Variants in TARM1 observed in about 807,000 individuals in gnomAD.
TARM1 encodes T-cell-interacting, activating receptor on myeloid cells protein 1.
In TARM1, 24 loss-of-function variants were observed where a neutral mutation model predicts 30.4. That is an observed-to-expected ratio of 0.79 (90% CI 0.57 to 1.11). TARM1 has a LOEUF of 1.11. TARM1 is among the 50% of genes least tolerant of loss of function. TARM1 has a pLI of 0.00. For missense variants in TARM1, 323 were observed against 332.8 expected, an observed-to-expected ratio of 0.97 and a Z score of 0.23; for synonymous variants, 129 against 138.9, an observed-to-expected ratio of 0.93 and a Z score of 0.50.
intron 1 of TARM1, among the ~76,000 whole-genome samples, chr19:54,079,857 C>T (rs993710786): frequency 1.3e-5 from 2 of 151,478 alleles, no homozygotes; most frequent in Non-Finnish European, 2.9e-5. Flanking sequence ...TACAAAAAAT[C>T]AGCCGGGTGT....
intron 1 of TARM1, among the ~76,000 whole-genome samples, chr19:54,081,011 T>C (rs2072117336): frequency 6.6e-6 from 1 of 152,070 alleles, no homozygotes; most frequent in Admixed American, 6.6e-5. Context: ...AAGGTTTCTA[T>C]TCTGAATACT....
chr19:54,073,382 C>T (rs2071859270), intron 4 of TARM1, among the ~76,000 whole-genome samples: 2 of 124,434 alleles, frequency 1.6e-5, no homozygotes, highest in South Asian at 5.1e-4. Context: ...GCACTCCATC[C>T]TGGCAACAGA....
rs1415356423 is a variant in TARM1 at position 54,070,049 on chromosome 19, C to T, written c.770G>A (p.Ser257Asn). 4 of 1,551,618 alleles carry T rather than the reference C, an allele frequency of 2.6e-6. No individual in the cohort carries two copies. Among genetic ancestry groups the T allele is most frequent in the Middle Eastern group, 1.7e-4 (1 of 5,990 alleles). ...TGATTCACCTGGAGACACATTCCGG[C>T]TGTACCAGGCCTCCACCAGGAAAGC... The part of the protein sequence containing the change: ...MGAFLVEAWY[S>N]RNVSPGESEA... The change falls in exon 5 of 5, where the codon AGC (serine) becomes AAC (asparagine). Residue 257 changes from serine to asparagine, a missense_variant. Transcript: ENST00000432826.
At chr19:54,070,470 G>C (rs898294993) in intron 4 of TARM1, among the ~76,000 whole-genome samples, 6 of 151,490 alleles carry the variant, frequency 4.0e-5, no homozygotes, top group African/African-American at 1.5e-4. Context: ...ATGTTGGCCA[G>C]GCTGGTCTTG....
At chr19:54,078,868 C>G (rs1007795712) in intron 1 of TARM1, among the ~76,000 whole-genome samples, 1 of 151,908 alleles carries the variant, frequency 6.6e-6, no homozygotes, top group African/African-American at 2.4e-5. Context: ...AGATGTAGCT[C>G]GAGGATATTA....
intron 4 of TARM1, among the ~76,000 whole-genome samples, chr19:54,073,506 G>A (rs55826339): frequency 0.44 from 64,001 of 146,226 alleles, 14,763 homozygotes; most frequent in Non-Finnish European, 0.52. Context: ...TTTGTTTTTT[G>A]TTTTTGAGAC....
At chr19:54,074,774 T>A in intron 3 of TARM1, 50 bp downstream of exon 3, 2 of 1,522,616 alleles carry the variant, frequency 1.3e-6, no homozygotes, top group Non-Finnish European at 1.8e-6. Context: ...CTCCACTTCC[T>A]CCCTCATCCC....
At chr19:54,076,160 C>T in intron 1 of TARM1, 3 of 1,492,520 alleles carry the variant, frequency 2.0e-6, no homozygotes, top group Non-Finnish European at 2.7e-6. Context: ...CTGCTCCAGG[C>T]CTTTCCCACA....
intron 1 of TARM1, among the ~76,000 whole-genome samples, chr19:54,080,123 G>GAAA (rs2072070721): frequency 0.047 from 2,109 of 44,650 alleles, 413 homozygotes; most frequent in South Asian, 0.072. Context: ...AAGGAAGGAA[G>GAAA]GAAGGAAGGA....
In TARM1 at chr19:54,075,913, A is replaced by C; in HGVS notation, c.40T>G (p.Cys14Gly). 1 of 1,551,226 alleles carries C rather than the reference A, an allele frequency of 6.4e-7. No homozygotes were observed. The highest frequency in any genetic ancestry group is 8.7e-7 in the Non-Finnish European group (1 of 1,146,968). Residue 14 changes from cysteine (C) to glycine (G), a missense_variant, in exon 2 of 5, where the codon TGC (cysteine) becomes GGC (glycine). Coordinates refer to ENST00000432826, the MANE Select transcript of TARM1 (RefSeq NM_001135686.3). ...KLLSLLCFRL[C>G]VGQGDTRGDG... Reference sequence around the variant, plus strand: ...CCCCTTGTGTCTCCTTGGCCCACGCACAGTCCTGCAAGACAATCCTCCGTG... The same window carrying C: ...CCCCTTGTGTCTCCTTGGCCCACGCCCAGTCCTGCAAGACAATCCTCCGTG...
Position 54,075,096 on chromosome 19 carries a change from G to A in TARM1, c.89C>T (p.Ser30Phe). ...TRGDGSLPKPSLSAWPSSVVP... is the reference protein window; with the variant it reads ...TRGDGSLPKPFLSAWPSSVVP... ...CACCGAGCTGGGCCAGGCACTGAGG[G>A]ACGGCTTGGGCAGTGACCCTGGAAG... Residue 30 changes from serine to phenylalanine, a missense_variant, in exon 3 of 5, where the codon TCC becomes TTC. Transcript: ENST00000432826. 2.6e-6 allele frequency: 4 copies of A among 1,551,394 alleles called. No homozygotes were observed. Among genetic ancestry groups the A allele is most frequent in the Non-Finnish European group, 3.5e-6 (4 of 1,146,968 alleles).
At position 54,074,002 on chromosome 19, in the gene TARM1, C is replaced by T; in HGVS notation, c.576G>A (p.Gly192=). ...TCTGGTAGTACATGCAGCTGTAGTT[C>T]CCAGCATCGCCGGCTGTCACGTCCA... The part of the protein sequence containing the change: ...SLVDVTAGDA[G]NYSCMYYQTK... The change falls in exon 4 of 5, where the codon GGG becomes GGA. Residue 192 remains glycine, a synonymous_variant. Transcript: ENST00000432826. 2.6e-6 allele frequency: 4 copies of T among 1,551,690 alleles called. No homozygotes were observed. Among genetic ancestry groups the T allele is most frequent in the Non-Finnish European group, 3.5e-6 (4 of 1,146,990 alleles).
At chr19:54,080,484 G>GAGAGGAAGGA (rs2072097408) in intron 1 of TARM1, among the ~76,000 whole-genome samples, 1 of 93,716 alleles carries the variant, frequency 1.1e-5, no homozygotes, top group Admixed American at 1.2e-4. Context: ...AAGAGAGAGA[G>GAGAGGAAGGA]AGGAAGGAAG....
intron 1 of TARM1, among the ~76,000 whole-genome samples, chr19:54,079,265 GAAAAA>G (rs587622719): frequency 1.8e-5 from 2 of 112,044 alleles, no homozygotes; most frequent in Non-Finnish European, 3.5e-5. Flanking sequence ...CTCCATCTCC[GAAAAA>G]AAAAAAAAAA....
intron 2 of TARM1, 136 bp from the exon 3 acceptor site, chr19:54,075,250 C>T (rs1307432692): frequency 5.5e-5 from 41 of 745,534 alleles, no homozygotes; most frequent in South Asian, 4.1e-4. Context: ...TGCAGTGGTG[C>T]AATCTCAGTT....
chr19:54,078,899 GC>G (rs1345089365), intron 1 of TARM1, among the ~76,000 whole-genome samples: 1 of 151,536 alleles, frequency 6.6e-6, no homozygotes, highest in Non-Finnish European at 1.5e-5. Flanking sequence ...ACTAAGTCAG[GC>G]AAAAAAGAAC....
At chr19:54,079,160 A>G (rs2072034467) in intron 1 of TARM1, among the ~76,000 whole-genome samples, 1 of 143,948 alleles carries the variant, frequency 6.9e-6, no homozygotes, top group Non-Finnish European at 1.5e-5. Context: ...GCTACTCGGG[A>G]GGGAGAGGCA....
At chr19:54,078,508 A>G (rs1332969502) in intron 1 of TARM1, among the ~76,000 whole-genome samples, 7 of 152,094 alleles carry the variant, frequency 4.6e-5, no homozygotes, top group Non-Finnish European at 1.0e-4. Context: ...CCTCCCAAGT[A>G]GCTGGGATTA....
At chr19:54,073,485 T>C (rs1008015394) in intron 4 of TARM1, among the ~76,000 whole-genome samples, 1 of 151,100 alleles carries the variant, frequency 6.6e-6, no homozygotes, top group Non-Finnish European at 1.5e-5. Flanking sequence ...TTGTTGTTTT[T>C]GTTTTTGTTT....
Sources: allele counts gnomAD v4.1 joint callset (sites outside exome capture counted in the v4.1 genomes callset), GRCh38; gene constraint gnomAD v4.1.1; transcripts MANE v1.5; gene names NCBI Gene and HGNC (gene_info 2026-07-23, HGNC 2026-07-21).